Variants in PSPC1 observed in about 807,000 individuals in gnomAD.
The protein encoded by PSPC1 is paraspeckle component 1, also known as paraspeckle protein 1.
PSPC1 carries 14 observed loss-of-function variants against 51.6 expected under a neutral mutation model. The observed-to-expected ratio is 0.27, with a 90% confidence interval of 0.18 to 0.42. The LOEUF is 0.42. Ranked by LOEUF, PSPC1 falls within the 10% of genes least tolerant of loss-of-function variation. PSPC1 has a pLI of 1.00. For missense variants in PSPC1, 406 were observed against 701.1 expected (o/e 0.58, Z 4.75); for synonymous variants, 193 against 231.9 (o/e 0.83, Z 1.53).
intron 6 of PSPC1, among the ~76,000 whole-genome samples, chr13:19,680,310 C>A (rs991417075): frequency 6.6e-6 from 1 of 152,128 alleles, no homozygotes; most frequent in Non-Finnish European, 1.5e-5. Flanking sequence ...CCACCATGCC[C>A]GGCCCAATAT....
intron 2 of PSPC1, among the ~76,000 whole-genome samples, chr13:19,764,007 AAAAAG>A (rs149042688): frequency 0.086 from 13,016 of 152,224 alleles, 584 homozygotes; most frequent in Middle Eastern, 0.13. Context: ...TGTCTCGGAA[AAAAAG>A]AAACTGAAGG....
intron 6 of PSPC1, among the ~76,000 whole-genome samples, chr13:19,719,614 C>T (rs1882528112): frequency 1.3e-5 from 2 of 152,174 alleles, no homozygotes; most frequent in Non-Finnish European, 2.9e-5. Context: ...GCCTCTTAAA[C>T]CAAATACATT....
chr13:19,671,900 T>C (rs1422127154), downstream of PSPC1: 1 of 1,610,672 alleles, frequency 6.2e-7, no homozygotes, highest in Non-Finnish European at 8.5e-7. Flanking sequence ...CTGGGCGGAG[T>C]TCTCTTCAGA....
Position 19,718,235 on chromosome 13 carries a change from AAAAAATATAAGAC to A in PSPC1, c.1159-8649_1159-8637del, listed in dbSNP as rs1369586743. ...GCTGCTAGTTAGTGAGGGGTAGTTT[AAAAAATATAAGAC>A]AATCTCTTTATATATATATACCCAA... On this transcript the variant is annotated intron_variant, in intron 6 of 8. Coordinates refer to ENST00000338910, the MANE Select transcript of PSPC1 (RefSeq NM_001354909.2). Among the ~76,000 whole-genome samples, 6 of 152,348 alleles carry A rather than the reference AAAAAATATAAGAC, an allele frequency of 3.9e-5. No individual in the cohort carries two copies. In the East Asian group the frequency reaches 1.2e-3, roughly 29 times the overall value.
At chr13:19,730,969 A>AAAAAAAAAAAAC (rs1884023504) in intron 5 of PSPC1, among the ~76,000 whole-genome samples, 1 of 146,606 alleles carries the variant, frequency 6.8e-6, no homozygotes, top group Non-Finnish European at 1.5e-5. Context: ...AAAAAACAAA[A>AAAAAAAAAAAAC]AAAAAAAAAA....
intron 1 of PSPC1, among the ~76,000 whole-genome samples, chr13:19,781,145 C>CAAA (rs531065939): frequency 7.1e-4 from 50 of 70,708 alleles, no homozygotes; most frequent in Admixed American, 2.6e-3. Context: ...GACCCAGTCT[C>CAAA]AAAAAAAAAA....
intron 7 of PSPC1, among the ~76,000 whole-genome samples, chr13:19,709,313 A>T (rs1881112691): frequency 6.6e-6 from 1 of 152,312 alleles, no homozygotes; most frequent in East Asian, 1.9e-4. Context: ...CTATGAATGT[A>T]TAACACATCT....
chr13:19,704,176 C>T (rs1203379905), intron 8 of PSPC1, among the ~76,000 whole-genome samples: 1 of 152,232 alleles, frequency 6.6e-6, no homozygotes, highest in Admixed American at 6.5e-5. Context: ...GATTATATGC[C>T]ACACAAAAAC....
intron 5 of PSPC1, chr13:19,737,386 A>G (rs1884959588): frequency 1.3e-5 from 2 of 152,178 alleles, no homozygotes; most frequent in South Asian, 4.1e-4. Flanking sequence ...GACACTATTA[A>G]AGAGAACTGA....
chr13:19,740,187 T>C (rs1368880287), intron 5 of PSPC1, among the ~76,000 whole-genome samples: 1 of 151,844 alleles, frequency 6.6e-6, no homozygotes, highest in Non-Finnish European at 1.5e-5. Context: ...CTACTAAAAG[T>C]ACAAAATTAG....
At chr13:19,690,696 A>G (rs574182491) in intron 6 of PSPC1, among the ~76,000 whole-genome samples, 1 of 152,180 alleles carries the variant, frequency 6.6e-6, no homozygotes, top group Non-Finnish European at 1.5e-5. Flanking sequence ...TCTAAATTTT[A>G]TATTGATCGT....
At chr13:19,741,882 A>T (rs1885468750) in intron 4 of PSPC1, among the ~76,000 whole-genome samples, 1 of 150,712 alleles carries the variant, frequency 6.6e-6, no homozygotes, top group Non-Finnish European at 1.5e-5. Context: ...CTACAATCCC[A>T]GTAATTTGGG....
At position 19,738,389 on chromosome 13, in the gene PSPC1, T is replaced by C. The variant is rs190564019; in HGVS notation, c.1052+3176A>G. On this transcript the variant is annotated intron_variant, in intron 5 of 8. Transcript: ENST00000338910. ...CACTGATGCTCAACTCCCTGACATA[T>C]GGTGTAGTATTCGCATATAACCTAT... is the stretch of plus-strand genomic sequence containing the variant. 1.3e-4 allele frequency among the ~76,000 whole-genome samples: 20 copies of C among 152,286 alleles called. 1 individual carries two copies. The East Asian group carries it at 3.1e-3, about 24-fold the overall frequency.
chr13:19,767,877 G>A (rs1417380939), intron 2 of PSPC1, among the ~76,000 whole-genome samples: 5 of 152,044 alleles, frequency 3.3e-5, no homozygotes, highest in Non-Finnish European at 5.9e-5. Context: ...ATGAAATTTG[G>A]ACTTCATAAA....
intron 3 of PSPC1, among the ~76,000 whole-genome samples, chr13:19,753,010 C>T (rs1461270176): frequency 6.6e-6 from 1 of 151,810 alleles, no homozygotes; most frequent in Non-Finnish European, 1.5e-5. Flanking sequence ...AGACTGGGCA[C>T]GGTAGGTCAC....
chr13:19,677,934 C>T (rs1392661129), intron 6 of PSPC1: 6 of 432,874 alleles, frequency 1.4e-5, no homozygotes, highest in South Asian at 3.3e-5. Context: ...ATTGAGGTTT[C>T]GATACCATGT....
intron 4 of PSPC1, among the ~76,000 whole-genome samples, chr13:19,746,605 G>A (rs1465511173): frequency 6.6e-6 from 1 of 151,802 alleles, no homozygotes; most frequent in Non-Finnish European, 1.5e-5. Context: ...CATGCCTGAG[G>A]GAGGAGAATC....
chr13:19,690,925 T>C (rs558155229), intron 6 of PSPC1, among the ~76,000 whole-genome samples: 31 of 152,308 alleles, frequency 2.0e-4, no homozygotes, highest in African/African-American at 7.5e-4. Context: ...TGTCTAAGAA[T>C]TTCTTTATGC....
At chr13:19,675,889 T>G (rs550640627) in intron 7 of PSPC1, 3 of 152,336 alleles carry the variant, frequency 2.0e-5, no homozygotes, top group Admixed American at 6.5e-5. Context: ...ATTAAATATT[T>G]GGCCTTTTAA....
Sources: allele counts gnomAD v4.1 joint callset (sites outside exome capture counted in the v4.1 genomes callset), GRCh38; gene constraint gnomAD v4.1.1; transcripts MANE v1.5; gene names NCBI Gene and HGNC (gene_info 2026-07-23, HGNC 2026-07-21).